KCTD14: variants seen among roughly 807,000 people sequenced by gnomAD.
The protein encoded by KCTD14 is BTB/POZ domain-containing protein KCTD14.
KCTD14 carries 7 observed loss-of-function variants against 5.9 expected under a neutral mutation model. The observed-to-expected ratio is 1.19, with a 90% confidence interval of 0.68 to 2.23. KCTD14 has a LOEUF of 2.23. KCTD14 is among the 30% of genes most tolerant of loss of function. KCTD14 has a pLI of 0.00. For synonymous variants in KCTD14, 140 were observed against 133.1 expected (o/e 1.05, Z -0.36); for missense variants, 342 against 332.2 (o/e 1.03, Z -0.23).
At chr11:78,043,557 A>G (rs1450763) in intron 1 of KCTD14, among the ~76,000 whole-genome samples, 29,669 of 152,210 alleles carry the variant, frequency 0.19, 3,262 homozygotes, top group Non-Finnish European at 0.25. Flanking sequence ...GGGAATGCCA[A>G]CAGAATCCTT....
intron 2 of KCTD14, among the ~76,000 whole-genome samples, chr11:78,030,415 G>T (rs899120200): frequency 1.3e-5 from 2 of 152,152 alleles, no homozygotes; most frequent in Non-Finnish European, 2.9e-5. Context: ...CCTTAGACAC[G>T]TCCCTGCCCC....
chr11:78,028,414 C>A (rs1178789762), intron 2 of KCTD14, among the ~76,000 whole-genome samples: 1 of 151,962 alleles, frequency 6.6e-6, no homozygotes, highest in Non-Finnish European at 1.5e-5. Context: ...ACCAGCCTGG[C>A]CAGCATAGTG....
chr11:78,025,138 A>G (rs1380710565), upstream of KCTD14, among the ~76,000 whole-genome samples: 3,557 of 119,992 alleles, frequency 0.03, 159 homozygotes, highest in African/African-American at 0.14. Context: ...ATATATATAT[A>G]TATATATATA....
intron 1 of KCTD14, chr11:78,022,853 T>A: frequency 3.4e-6 from 1 of 295,450 alleles, no homozygotes; most frequent in Non-Finnish European, 6.3e-6. Context: ...GACAAGCCGG[T>A]GGGGAAGAGA....
chr11:78,041,239 G>A (rs577610174), intron 1 of KCTD14, among the ~76,000 whole-genome samples: 21 of 152,248 alleles, frequency 1.4e-4, no homozygotes, highest in Admixed American at 5.9e-4. Flanking sequence ...TTGCTGCAGG[G>A]AGCAAACCTA....
intron 2 of KCTD14, among the ~76,000 whole-genome samples, chr11:78,033,663 C>T (rs1404555623): frequency 7.5e-6 from 1 of 134,070 alleles, no homozygotes; most frequent in Non-Finnish European, 1.6e-5. Flanking sequence ...GCCTGGGCAA[C>T]AGAGCGAGAC....
At chr11:78,036,641 T>G (rs1340939325) in intron 2 of KCTD14, among the ~76,000 whole-genome samples, 1 of 152,234 alleles carries the variant, frequency 6.6e-6, no homozygotes, top group Non-Finnish European at 1.5e-5. Context: ...AGCTTAAATG[T>G]TACCTTTCCC....
chr11:78,025,378 G>T (rs183048358), upstream of KCTD14, among the ~76,000 whole-genome samples: 185 of 152,046 alleles, frequency 1.2e-3, 1 homozygote, highest in Non-Finnish European at 2.2e-3. Context: ...TTCTAGCCAT[G>T]CTGGCAGCTG....
At chr11:78,032,307 G>A (rs894807202) in intron 2 of KCTD14, among the ~76,000 whole-genome samples, 2 of 152,248 alleles carry the variant, frequency 1.3e-5, no homozygotes, top group Non-Finnish European at 2.9e-5. Context: ...AGAACAGAGA[G>A]CCTGGCTGGA....
At chr11:78,034,271 T>C (rs9651766) in intron 2 of KCTD14, among the ~76,000 whole-genome samples, 63,401 of 151,902 alleles carry the variant, frequency 0.42, 13,497 homozygotes, top group African/African-American at 0.52. Flanking sequence ...TACAGGTGCA[T>C]AGCACCATGC....
Position 78,016,809 on chromosome 11 carries a change from C to T in KCTD14, c.552G>A (p.Glu184=). 1.2e-6 allele frequency: 2 copies of T among 1,614,138 alleles called. No homozygotes were observed. The highest frequency in any genetic ancestry group is 1.1e-5 in the South Asian group (1 of 91,088). ...ETEEQDAYYS[E]VLCFLQDKKM... ...TCTTATCCTGCAGAAAACACAGGAC[C>T]TCTGAATAATATGCATCCTGCTCCT... Residue 184 remains glutamate, a synonymous_variant, in exon 2 of 2, where the codon GAG becomes GAA. Transcript: ENST00000353172.
intron 1 of KCTD14, among the ~76,000 whole-genome samples, chr11:78,041,542 CAGGAT>C (rs1478322906): frequency 6.6e-6 from 1 of 152,222 alleles, no homozygotes; most frequent in Non-Finnish European, 1.5e-5. Flanking sequence ...GGACGATGAT[CAGGAT>C]ATAAACCCAG....
At chr11:78,030,184 C>T (rs1591186096) in intron 2 of KCTD14, among the ~76,000 whole-genome samples, 1 of 152,076 alleles carries the variant, frequency 6.6e-6, no homozygotes, top group South Asian at 2.1e-4. Context: ...CCTCCAATTG[C>T]ATGTTCTTTC....
upstream of KCTD14, chr11:78,023,412 G>A: frequency 1.5e-6 from 1 of 655,846 alleles, no homozygotes; most frequent in Non-Finnish European, 2.6e-6. Context: ...TCTAAAAGTT[G>A]TTAGGCCCTG....
chr11:78,040,559 C>T (rs186069701), intron 1 of KCTD14, among the ~76,000 whole-genome samples: 236 of 152,238 alleles, frequency 1.6e-3, no homozygotes, highest in Admixed American at 2.5e-3. Flanking sequence ...TCTGTCTCTT[C>T]GGTGGCTGTC....
chr11:78,024,445 C>CAT (rs56371412), upstream of KCTD14, among the ~76,000 whole-genome samples: 854 of 140,432 alleles, frequency 6.1e-3, 6 homozygotes, highest in African/African-American at 0.011. Context: ...CACACACACA[C>CAT]ATATATATAT....
chr11:78,038,544 C>A, intron 2 of KCTD14: 1 of 1,204,022 alleles, frequency 8.3e-7, no homozygotes, highest in Non-Finnish European at 1.2e-6. Context: ...TCTGGCTCCC[C>A]GCTCACTGGC....
upstream of KCTD14, among the ~76,000 whole-genome samples, chr11:78,025,118 G>GTATATATATATATA (rs369374652): frequency 4.5e-5 from 2 of 44,472 alleles, no homozygotes; most frequent in Non-Finnish European, 9.0e-5. Context: ...GTGTGTGTGT[G>GTATATATATATATA]TATATATATA....
At position 78,016,302 on chromosome 11, in the gene KCTD14, C is replaced by A. The variant is rs926878489; in HGVS notation, c.*291G>T. 1 of 435,356 alleles carries A rather than the reference C, an allele frequency of 2.3e-6. No homozygotes were observed. The highest frequency in any genetic ancestry group is 2.0e-5 in the African/African-American group (1 of 50,402). 27.0% of individuals were successfully genotyped at this position (435,356 alleles called of 1,614,324 possible). A position where few individuals can be genotyped will look rare whatever the true frequency, so the allele number is the denominator to read the frequency against. ...GTTGTCATCTCACATCTCTTGCCAA[C>A]GCATTGTTGAAACATTCTTACTTGG... On this transcript the variant is annotated 3_prime_UTR_variant, in exon 2 of 2. Transcript: ENST00000353172.
Sources: allele counts gnomAD v4.1 joint callset (sites outside exome capture counted in the v4.1 genomes callset), GRCh38; gene constraint gnomAD v4.1.1; transcripts MANE v1.5; gene names NCBI Gene and HGNC (gene_info 2026-07-23, HGNC 2026-07-21).